PELI2: variants seen among roughly 807,000 people sequenced by gnomAD.
PELI2 encodes the protein E3 ubiquitin-protein ligase pellino homolog 2.
Under a neutral mutation model 42.3 loss-of-function variants are expected in PELI2, and 23 were observed. That is an observed-to-expected ratio of 0.54 (90% CI 0.39 to 0.77). The LOEUF is 0.77. Among genes scored for constraint, PELI2 ranks in the 30% least tolerant of loss-of-function variants. The pLI is 0.00. For missense variants in PELI2, 463 were observed against 553.2 expected (o/e 0.84, Z 1.64); for synonymous variants, 245 against 212.2 (o/e 1.15, Z -1.34).
intron 2 of PELI2, among the ~76,000 whole-genome samples, chr14:56,263,007 T>TG (rs1888768957): frequency 6.6e-6 from 1 of 152,142 alleles, no homozygotes; most frequent in Non-Finnish European, 1.5e-5. Flanking sequence ...TGCTCAAGGA[T>TG]GTGCAGTGGC....
intron 2 of PELI2, among the ~76,000 whole-genome samples, chr14:56,220,337 C>T (rs6573086): frequency 0.5 from 76,501 of 151,984 alleles, 20,290 homozygotes; most frequent in African/African-American, 0.68. Flanking sequence ...ACAATCTGGC[C>T]GGAAGCTAGT....
At chr14:56,276,286 T>C (rs1594707098) in intron 2 of PELI2, among the ~76,000 whole-genome samples, 1 of 152,314 alleles carries the variant, frequency 6.6e-6, no homozygotes, top group East Asian at 1.9e-4. Context: ...ATGTGAGCCC[T>C]AATTCATGTA....
intron 2 of PELI2, among the ~76,000 whole-genome samples, chr14:56,184,931 T>C (rs1885716419): frequency 6.6e-6 from 1 of 152,066 alleles, no homozygotes; most frequent in Admixed American, 6.5e-5. Context: ...TGGAAATGAG[T>C]CACATGATTT....
At chr14:56,202,738 G>T (rs1886374598) in intron 2 of PELI2, among the ~76,000 whole-genome samples, 1 of 152,142 alleles carries the variant, frequency 6.6e-6, no homozygotes, top group Non-Finnish European at 1.5e-5. Flanking sequence ...TGCAGTGGTG[G>T]GAAGTACACA....
intron 5 of PELI2, among the ~76,000 whole-genome samples, chr14:56,291,292 G>A (rs1172135619): frequency 1.3e-5 from 2 of 152,152 alleles, no homozygotes; most frequent in African/African-American, 4.8e-5. Flanking sequence ...CAGAATAGAG[G>A]ATTTGACCTA....
chr14:56,249,782 A>G (rs1888280760), intron 2 of PELI2, among the ~76,000 whole-genome samples: 1 of 152,222 alleles, frequency 6.6e-6, no homozygotes, highest in African/African-American at 2.4e-5. Flanking sequence ...GACTGACACC[A>G]GGAGTGTGTC....
At chr14:56,157,537 C>G (rs1276967121) in intron 1 of PELI2, among the ~76,000 whole-genome samples, 1 of 151,820 alleles carries the variant, frequency 6.6e-6, no homozygotes, top group Non-Finnish European at 1.5e-5. Context: ...TCACTCCCCC[C>G]CAAAAAAAAT....
intron 1 of PELI2, among the ~76,000 whole-genome samples, chr14:56,154,515 G>T (rs75242145): frequency 2.0e-5 from 3 of 152,320 alleles, no homozygotes; most frequent in Non-Finnish European, 4.4e-5. Context: ...ATGTGAAGAA[G>T]GTCCTTGCTT....
chr14:56,197,104 G>A lies in PELI2; in HGVS notation c.207+18640G>A, dbSNP rs1459215778. ...GTGTGCCAGGCCCTGGGCTCTGCAT[G>A]GGATGAGTTAAGACAAACATGGTCC... On this transcript the variant is annotated intron_variant, in intron 2 of 5. Transcript: ENST00000267460. The surrounding 1 kb of genome is among the most constrained non-coding windows in gnomAD (Gnocchi z 4.9). Among the ~76,000 whole-genome samples, 1 of 152,146 alleles carries A rather than the reference G, an allele frequency of 6.6e-6. No homozygotes were observed. The highest frequency in any genetic ancestry group is 2.4e-5 in the African/African-American group (1 of 41,410).
At chr14:56,179,475 G>A (rs1885508786) in intron 2 of PELI2, among the ~76,000 whole-genome samples, 1 of 152,156 alleles carries the variant, frequency 6.6e-6, no homozygotes, top group Admixed American at 6.5e-5. Flanking sequence ...GAATTTGTTA[G>A]GAGGTGCCAA....
chr14:56,239,923 T>A (rs1887916627), intron 2 of PELI2, among the ~76,000 whole-genome samples: 1 of 152,104 alleles, frequency 6.6e-6, no homozygotes, highest in African/African-American at 2.4e-5. Flanking sequence ...AAGTAGACAA[T>A]AAAAGAAATA....
intron 2 of PELI2, among the ~76,000 whole-genome samples, chr14:56,188,029 A>G (rs1029095657): frequency 6.6e-6 from 1 of 152,164 alleles, no homozygotes; most frequent in Non-Finnish European, 1.5e-5. Flanking sequence ...AGTATTCGGA[A>G]AAGTTGGCCC....
intron 1 of PELI2, among the ~76,000 whole-genome samples, chr14:56,153,433 T>C (rs1466909256): frequency 1.3e-5 from 2 of 152,154 alleles, no homozygotes; most frequent in Non-Finnish European, 2.9e-5. Context: ...TGGTCACTGG[T>C]GAGAGAAAAG....
In PELI2 at chr14:56,197,713, T is replaced by C. The variant is rs563435424; in HGVS notation, c.207+19249T>C. On this transcript the variant is annotated intron_variant, in intron 2 of 5. Coordinates refer to ENST00000267460, the MANE Select transcript of PELI2 (RefSeq NM_021255.3). The surrounding 1 kb of genome is among the most constrained non-coding windows in gnomAD (Gnocchi z 4.9). ...AAGGTGTTTTTGGATGAGATTAACA[T>C]TTAAATCTCTAGACTTTGAGTAAAG... is the stretch of plus-strand genomic sequence containing the variant. Among the ~76,000 whole-genome samples the C allele has an allele frequency of 8.5e-5, 13 of 152,144 alleles. No individual in the cohort carries two copies. The highest frequency in any genetic ancestry group is 7.3e-5 in the Non-Finnish European group (5 of 68,034).
At chr14:56,212,959 G>A (rs1156881559) in intron 2 of PELI2, among the ~76,000 whole-genome samples, 2 of 152,228 alleles carry the variant, frequency 1.3e-5, no homozygotes, top group African/African-American at 4.8e-5. Context: ...GGGTCACGAG[G>A]AGGGTCTTAG....
intron 2 of PELI2, among the ~76,000 whole-genome samples, chr14:56,236,119 T>C (rs72717992): frequency 0.16 from 25,055 of 152,262 alleles, 2,623 homozygotes; most frequent in Non-Finnish European, 0.24. Flanking sequence ...AGTTTAACTC[T>C]TGTGAAACTA....
At chr14:56,174,313 C>G (rs565502111) in intron 1 of PELI2, among the ~76,000 whole-genome samples, 3 of 152,252 alleles carry the variant, frequency 2.0e-5, no homozygotes, top group Admixed American at 6.5e-5. Context: ...GGTCTTGCCT[C>G]TAATTTCTTC....
At chr14:56,293,810 A>G (rs1205615754) in intron 5 of PELI2, among the ~76,000 whole-genome samples, 1 of 152,182 alleles carries the variant, frequency 6.6e-6, no homozygotes, top group African/African-American at 2.4e-5. Context: ...TACACCCCAG[A>G]TTTATAATAA....
At chr14:56,214,914 A>G (rs573243767) in intron 2 of PELI2, among the ~76,000 whole-genome samples, 1 of 152,300 alleles carries the variant, frequency 6.6e-6, no homozygotes, top group Non-Finnish European at 1.5e-5. Context: ...TTGACAGAGG[A>G]GCATTGCGGA....
Sources: allele counts gnomAD v4.1 joint callset (sites outside exome capture counted in the v4.1 genomes callset), GRCh38; gene constraint gnomAD v4.1.1; non-coding constraint Gnocchi (gnomAD v3.1); transcripts MANE v1.5; gene names NCBI Gene and HGNC (gene_info 2026-07-23, HGNC 2026-07-21).